The following PLEKHH2 variants were observed in gnomAD, a reference collection of about 807,000 sequenced individuals.
PLEKHH2 encodes pleckstrin homology domain-containing family H member 2.
Under a neutral mutation model 187.9 loss-of-function variants are expected in PLEKHH2, and 129 were observed. The ratio of observed to expected loss-of-function variants is 0.69; its 90% CI spans 0.59 to 0.79. PLEKHH2 has a LOEUF of 0.79. Ranked by LOEUF, PLEKHH2 falls within the 30% of genes least tolerant of loss-of-function variation. PLEKHH2 has a pLI of 0.00. For missense variants in PLEKHH2, 2,076 were observed against 1,751.2 expected (o/e 1.19, Z -3.31); for synonymous variants, 686 against 605.6 (o/e 1.13, Z -1.95).
intron 24 of PLEKHH2, among the ~76,000 whole-genome samples, chr2:43,749,274 C>T (rs1457397941): frequency 1.3e-5 from 2 of 152,118 alleles, no homozygotes. Context: ...TATCCAAAGA[C>T]CTGGAATCAA....
At chr2:43,716,471 C>T (rs751680691) in intron 15 of PLEKHH2, among the ~76,000 whole-genome samples, 7 of 151,958 alleles carry the variant, frequency 4.6e-5, no homozygotes, top group Non-Finnish European at 1.5e-5. Context: ...TAGGATGTAC[C>T]CAAGGATAAA....
intron 1 of PLEKHH2, among the ~76,000 whole-genome samples, chr2:43,644,463 G>T (rs72790955): frequency 1.3e-5 from 2 of 152,052 alleles, no homozygotes; most frequent in Non-Finnish European, 2.9e-5. Context: ...TCCAGCCTTA[G>T]TCTCCTATTT....
chr2:43,642,210 T>C (rs113120566), intron 1 of PLEKHH2, among the ~76,000 whole-genome samples: 18 of 152,338 alleles, frequency 1.2e-4, no homozygotes, highest in African/African-American at 4.3e-4. Flanking sequence ...AATTCATTCC[T>C]AAATATTTTA....
chr2:43,720,809 T>G, intron 16 of PLEKHH2, 60 bp downstream of exon 16: 1 of 1,532,638 alleles, frequency 6.5e-7, no homozygotes, highest in Non-Finnish European at 8.7e-7. Flanking sequence ...GGGCTTAAAC[T>G]TTTCCTTTTC....
intron 5 of PLEKHH2, among the ~76,000 whole-genome samples, 175 bp downstream of exon 5, chr2:43,694,689 A>T (rs1219991688): frequency 6.6e-6 from 1 of 152,194 alleles, no homozygotes; most frequent in African/African-American, 2.4e-5. Context: ...AGTGTATTTT[A>T]AAAATTAAAC....
chr2:43,720,823 C>T, intron 16 of PLEKHH2, 74 bp downstream of exon 16: 1 of 1,510,052 alleles, frequency 6.6e-7, no homozygotes, highest in South Asian at 1.3e-5. Context: ...CCTTTTCTCT[C>T]TTCTCTTACT....
chr2:43,743,929 G>T lies in PLEKHH2; in HGVS notation c.3495G>T (p.Ala1165=). 1 of 1,614,084 alleles carries T rather than the reference G, an allele frequency of 6.2e-7. No individual in the cohort carries two copies. The highest frequency in any genetic ancestry group is 1.7e-5 in the Admixed American group (1 of 60,016). The change falls in exon 23 of 30, where the codon GCG becomes GCT. Residue 1165 remains alanine (A), a synonymous_variant. Transcript: ENST00000282406. ...GMRKPAQSGF[A]LFTDDPSGRD... ...GGAAACCAGCGCAGTCTGGATTTGC[G>T]TTGTTCACTGACGATCCTTCTGGCA...
rs1226573116 is a variant in PLEKHH2 at position 43,743,972 on chromosome 2, C to T, written c.3538C>T (p.Leu1180Phe). ...DPSGRDLEHCLQGNIKICDII... is the reference protein window; with the variant it reads ...DPSGRDLEHCFQGNIKICDII... ...TTCTGGCAGAGATTTAGAGCATTGT[C>T]TTCAAGGAAACATCAAGGTGAAACC... The change falls in exon 23 of 30, where the codon CTT becomes TTT. Residue 1180 changes from leucine to phenylalanine, a missense_variant. Coordinates refer to ENST00000282406, the MANE Select transcript of PLEKHH2 (RefSeq NM_172069.4). 1.2e-6 allele frequency: 2 copies of T among 1,613,704 alleles called. No individual in the cohort carries two copies. The highest frequency in any genetic ancestry group is 1.3e-5 in the African/African-American group (1 of 74,906).
Position 43,758,983 on chromosome 2 carries a change from T to G in PLEKHH2, c.4025T>G (p.Val1342Gly). 1 of 1,613,080 alleles carries G rather than the reference T, an allele frequency of 6.2e-7. No individual in the cohort carries two copies. The highest frequency in any genetic ancestry group is 1.1e-5 in the South Asian group (1 of 90,984). The change falls in exon 27 of 30, where the codon GTA (valine) becomes GGA (glycine). Residue 1342 changes from valine to glycine, a missense_variant. Physicochemically the swap from Val to Gly is moderately radical, Grantham distance 109. Transcript: ENST00000282406. ...GACTGTGTGCGCATTTATTTGACAGTAGCCAGGAAGTGGCCATTCTTTGGT... is the reference window on the plus strand; with the variant it reads ...GACTGTGTGCGCATTTATTTGACAGGAGCCAGGAAGTGGCCATTCTTTGGT... Reference protein sequence around the residue: ...AADCVRIYLTVARKWPFFGAK... With the variant: ...AADCVRIYLTGARKWPFFGAK...
chr2:43,711,885 C>T (rs1669983838), intron 14 of PLEKHH2: 1 of 918,030 alleles, frequency 1.1e-6, no homozygotes, highest in Non-Finnish European at 1.3e-6. Flanking sequence ...CAGAAAGAGA[C>T]TCTGTCTCAA....
chr2:43,747,326 G>A (rs1390622149), intron 24 of PLEKHH2, among the ~76,000 whole-genome samples: 1 of 151,928 alleles, frequency 6.6e-6, no homozygotes, highest in Non-Finnish European at 1.5e-5. Flanking sequence ...AGAGAGAGAG[G>A]TACTGTGAGG....
intron 15 of PLEKHH2, among the ~76,000 whole-genome samples, chr2:43,716,214 A>C (rs769351072): frequency 1.3e-5 from 2 of 152,150 alleles, no homozygotes; most frequent in African/African-American, 2.4e-5. Context: ...GGCCCCTGGA[A>C]GAAGGGAGGA....
intron 2 of PLEKHH2, chr2:43,675,381 A>ATT: frequency 1.3e-6 from 2 of 1,580,014 alleles, no homozygotes; most frequent in Non-Finnish European, 1.7e-6. Flanking sequence ...GGCCTCAGTC[A>ATT]TTTTCTGAAC....
intron 3 of PLEKHH2, chr2:43,681,685 C>G (rs1001657764): frequency 2.3e-5 from 13 of 563,726 alleles, no homozygotes; most frequent in Admixed American, 6.5e-5. Flanking sequence ...AACGCTCTTA[C>G]TCCATCAGGC....
chr2:43,765,799 A>T lies in PLEKHH2; in HGVS notation c.*201A>T. The stretch of plus-strand genomic sequence containing the variant: ...GTAAAACATAAACACAAAATTTGCC[A>T]ACACACTAATTTTCTTATAGAGTAA... On this transcript the variant is annotated 3_prime_UTR_variant, in exon 30 of 30. Transcript: ENST00000282406. The T allele has an allele frequency of 2.1e-6, 1 of 469,980 alleles. No individual in the cohort carries two copies. Among genetic ancestry groups the T allele is most frequent in the Non-Finnish European group, 3.6e-6 (1 of 278,904 alleles). The allele number at this position is 469,980 out of a possible 1,614,324, so 29.1% of individuals were successfully genotyped here.
Position 43,743,742 on chromosome 2 carries a change from C to T in PLEKHH2, c.3400-92C>T, listed in dbSNP as rs1434404803. On this transcript the variant is annotated intron_variant, in intron 22 of 29. Coordinates refer to ENST00000282406, the MANE Select transcript of PLEKHH2 (RefSeq NM_172069.4). ...CCTAGAAAAATATGTTATCATTAAT[C>T]ATGCATCAAGTATGCTCTGTTTCAT... 5 of 1,128,626 alleles carry T rather than the reference C, an allele frequency of 4.4e-6. No homozygotes were observed. The African/African-American group carries it at 4.7e-5, about 11-fold the overall frequency. 69.9% of individuals were successfully genotyped at this position (1,128,626 alleles called of 1,614,324 possible).
Position 43,678,855 on chromosome 2 carries a change from C to A in PLEKHH2, c.124-8C>A, listed in dbSNP as rs369343462. 1 of 1,588,058 alleles carries A rather than the reference C, an allele frequency of 6.3e-7. No individual in the cohort carries two copies. Among genetic ancestry groups the A allele is most frequent in the Admixed American group, 1.7e-5 (1 of 58,440 alleles). ...ATTTTTGTATTTATATTTTCCCTCA[C>A]TCTACAGATGCAACAGCTTGAGAGA... On this transcript the variant is annotated splice_region_variant and splice_polypyrimidine_tract_variant and intron_variant, in intron 2 of 29. Transcript: ENST00000282406.
At chr2:43,711,308 AT>A (rs1235238412) in intron 14 of PLEKHH2, 14 of 985,318 alleles carry the variant, frequency 1.4e-5, no homozygotes, top group Admixed American at 6.1e-5. Context: ...CCTCTCAAAA[AT>A]TTAGAAAGGA....
intron 7 of PLEKHH2, among the ~76,000 whole-genome samples, chr2:43,698,910 A>T (rs964564798): frequency 6.6e-6 from 1 of 152,220 alleles, no homozygotes; most frequent in African/African-American, 2.4e-5. Flanking sequence ...TGTAGTTATG[A>T]TTAAACCAAA....
Sources: gnomAD v4.1 joint callset for allele counts (sites outside exome capture counted in the v4.1 genomes callset) on GRCh38, gnomAD v4.1.1 for gene constraint, MANE v1.5 for transcripts, NCBI Gene and HGNC (gene_info 2026-07-23, HGNC 2026-07-21) for gene names.